MCC: variants seen among roughly 807,000 people sequenced by gnomAD.
MCC encodes the protein MCC regulator of Wnt signaling pathway, also known as colorectal mutant cancer protein.
A neutral mutation model predicts 116.2 loss-of-function variants in MCC; 90 were observed. That is an observed-to-expected ratio of 0.77 (90% CI 0.65 to 0.92). MCC has a LOEUF of 0.92. Ranked by LOEUF, MCC falls within the 40% of genes least tolerant of loss-of-function variation. The pLI, the probability that MCC is intolerant of heterozygous loss-of-function variation, is 0.00. For missense variants in MCC, 1,516 were observed against 1,312.2 expected (o/e 1.16, Z -2.40); for synonymous variants, 578 against 510.5 (o/e 1.13, Z -1.78).
chr5:113,168,697 C>CT (rs1049029004), intron 3 of MCC, among the ~76,000 whole-genome samples: 4 of 151,950 alleles, frequency 2.6e-5, no homozygotes, highest in Non-Finnish European at 5.9e-5. Context: ...AGCAACTGTG[C>CT]TTTTTTGCCA....
At chr5:113,379,914 G>A (rs776631634) in intron 2 of MCC, among the ~76,000 whole-genome samples, 3 of 152,106 alleles carry the variant, frequency 2.0e-5, no homozygotes, top group Non-Finnish European at 4.4e-5. Flanking sequence ...TAAAGGCTCC[G>A]AGATGTCTTG....
In MCC at chr5:113,026,055, AAAG is replaced by A. The variant is rs1488784233; in HGVS notation, c.*1244_*1246del. 3.9e-5 allele frequency: 6 copies of A among 152,246 alleles called. No homozygotes were observed. Among genetic ancestry groups the A allele is most frequent in the Non-Finnish European group, 7.3e-5 (5 of 68,034 alleles). The allele number at this position is 152,246 out of a possible 1,614,324, so 9.4% of individuals were successfully genotyped here. ...CTGAGAGAGAAGAGGTAAAACTGAA[AAAG>A]AATAATGAATTTGTTTTAAGATTGA... On this transcript the variant is annotated 3_prime_UTR_variant, in exon 19 of 19. Transcript: ENST00000408903.
At chr5:113,110,963 C>T (rs79669073) in intron 6 of MCC, among the ~76,000 whole-genome samples, 197 of 152,342 alleles carry the variant, frequency 1.3e-3, no homozygotes, top group Middle Eastern at 0.01. Context: ...GGACTCAGCA[C>T]GCCCAACCCA....
chr5:113,135,156 T>C (rs1279188860), intron 5 of MCC, among the ~76,000 whole-genome samples: 9 of 151,188 alleles, frequency 6.0e-5, no homozygotes, highest in Admixed American at 1.3e-4. Flanking sequence ...CCCAGGCTGG[T>C]CTTGAACTCC....
rs1420849309 is a variant in MCC at position 113,023,775 on chromosome 5, A to G, written c.*3527T>C. On this transcript the variant is annotated 3_prime_UTR_variant, in exon 19 of 19. Transcript: ENST00000408903. ...TCATCTTGATATGTTATCACTTTAA[A>G]GCTTGATAATCGAAACTCTTGAGAG... The G allele has an allele frequency of 1.3e-5, 2 of 152,210 alleles. No homozygotes were observed. Among genetic ancestry groups the G allele is most frequent in the African/African-American group, 4.8e-5 (2 of 41,454 alleles). 9.4% of individuals were successfully genotyped at this position (152,210 alleles called of 1,614,324 possible).
intron 14 of MCC, among the ~76,000 whole-genome samples, chr5:113,055,919 C>G (rs1182653282): frequency 6.6e-6 from 1 of 152,256 alleles, no homozygotes; most frequent in South Asian, 2.1e-4. Flanking sequence ...TTCCTCCAGA[C>G]AGCTTTCAGA....
chr5:113,048,099 C>T (rs6894937), intron 16 of MCC, among the ~76,000 whole-genome samples: 67,336 of 152,050 alleles, frequency 0.44, 15,825 homozygotes, highest in East Asian at 0.63. Flanking sequence ...CAGTGAGACT[C>T]CTCACTTCTT....
intron 3 of MCC, among the ~76,000 whole-genome samples, chr5:113,238,405 C>T (rs1264016802): frequency 6.6e-6 from 1 of 152,058 alleles, no homozygotes; most frequent in Non-Finnish European, 1.5e-5. Flanking sequence ...CTCCTATTTC[C>T]TATTTGGCAA....
chr5:113,071,295 T>C lies in MCC; in HGVS notation c.1785-61A>G. On this transcript the variant is annotated intron_variant, in intron 11 of 18. Transcript: ENST00000408903. Reference sequence around the variant, plus strand: ...TACAGTTAATTTGCCAATATTTCAGTTGTCTCATTTATATTCAGGGCAGAA... The same window carrying C: ...TACAGTTAATTTGCCAATATTTCAGCTGTCTCATTTATATTCAGGGCAGAA... The C allele has an allele frequency of 3.2e-6, 5 of 1,563,390 alleles. No individual in the cohort carries two copies. In the South Asian group the frequency reaches 4.7e-5, roughly 15 times the overall value.
intron 1 of MCC, among the ~76,000 whole-genome samples, chr5:113,393,727 C>T (rs1769457830): frequency 6.6e-6 from 1 of 152,190 alleles, no homozygotes; most frequent in African/African-American, 2.4e-5. Flanking sequence ...TCTGCAAAGG[C>T]ATTCATAACA....
chr5:113,143,839 C>T (rs568502949), intron 4 of MCC, among the ~76,000 whole-genome samples: 4 of 152,204 alleles, frequency 2.6e-5, no homozygotes, highest in Non-Finnish European at 4.4e-5. Flanking sequence ...TGTTCAGTTT[C>T]CCTTTTTACC....
At chr5:113,043,439 A>AC in intron 17 of MCC, 91 bp downstream of exon 17, 1 of 1,169,068 alleles carries the variant, frequency 8.6e-7, no homozygotes, top group Admixed American at 2.0e-5. Flanking sequence ...ACACATCAGC[A>AC]CCTTCTCCTT....
intron 3 of MCC, among the ~76,000 whole-genome samples, chr5:113,169,640 T>C (rs200354529): frequency 6.6e-6 from 1 of 152,130 alleles, no homozygotes; most frequent in African/African-American, 2.4e-5. Flanking sequence ...TGGGGTCACA[T>C]TCTGGCCATG....
chr5:113,348,370 T>C (rs577651389), intron 2 of MCC, among the ~76,000 whole-genome samples: 82 of 152,176 alleles, frequency 5.4e-4, no homozygotes, highest in Middle Eastern at 3.4e-3. Flanking sequence ...AGCATCTTCT[T>C]TGACCACAAA....
intron 3 of MCC, among the ~76,000 whole-genome samples, chr5:113,254,825 G>C (rs775032739): frequency 3.9e-5 from 6 of 152,152 alleles, no homozygotes; most frequent in Non-Finnish European, 5.9e-5. Context: ...GACACTGTTA[G>C]TTCCCTGAGT....
rs1013650504 is a variant in MCC, at chr5:113,150,149, G to T, written c.741+1160C>A. ...ATGGGAATAATAGAGACAAAGGAAA[G>T]AAAAGGTCCAGATAAAAGCAGGTAA... On this transcript the variant is annotated intron_variant, in intron 4 of 18. Transcript: ENST00000408903. 3.3e-5 allele frequency among the ~76,000 whole-genome samples: 5 copies of T among 152,136 alleles called. No individual in the cohort carries two copies. The East Asian group carries it at 9.6e-4, about 29-fold the overall frequency.
At chr5:113,210,708 A>G (rs547708657) in intron 3 of MCC, among the ~76,000 whole-genome samples, 1 of 152,262 alleles carries the variant, frequency 6.6e-6, no homozygotes, top group Non-Finnish European at 1.5e-5. Flanking sequence ...CTAAAGTTAG[A>G]AAGTTAATAT....
At position 113,488,224 on chromosome 5, in the gene MCC, TC is replaced by T; in HGVS notation, c.170+20del. 1 of 1,579,926 alleles carries T rather than the reference TC, an allele frequency of 6.3e-7. No homozygotes were observed. Among genetic ancestry groups the T allele is most frequent in the East Asian group, 2.6e-5 (1 of 38,892 alleles). On this transcript the variant is annotated intron_variant, in intron 1 of 18. Coordinates refer to ENST00000408903, the MANE Select transcript of MCC (RefSeq NM_001085377.2). ...GGGACTGATCTCGCTCCTGTCGGTT[TC>T]CTCGTACCTCCCCGCGTACCTGCTG...
At chr5:113,116,439 T>C (rs760500123) in intron 6 of MCC, among the ~76,000 whole-genome samples, 3 of 152,210 alleles carry the variant, frequency 2.0e-5, no homozygotes, top group Non-Finnish European at 2.9e-5. Context: ...AGAAAAATTA[T>C]GTCATGAATT....
Sources: allele counts gnomAD v4.1 joint callset (sites outside exome capture counted in the v4.1 genomes callset), GRCh38; gene constraint gnomAD v4.1.1; transcripts MANE v1.5; gene names NCBI Gene and HGNC (gene_info 2026-07-23, HGNC 2026-07-21).